Variants in KMT2A observed in about 807,000 individuals in gnomAD.
The protein encoded by KMT2A is lysine methyltransferase 2A.
KMT2A carries 16 observed loss-of-function variants against 345.3 expected under a neutral mutation model. The ratio of observed to expected loss-of-function variants is 0.05; its 90% CI spans 0.03 to 0.07. The LOEUF (loss-of-function observed/expected upper bound fraction) is 0.07. Among genes scored for constraint, KMT2A ranks in the 10% least tolerant of loss-of-function variants. The probability of loss-of-function intolerance (pLI) is 1.00; values close to 1 mark genes in which losing one functional copy is unlikely to be tolerated. For missense variants in KMT2A, 3,272 were observed against 4,841.6 expected (o/e 0.68, Z 9.62); for synonymous variants, 1,599 against 1,778.6 (o/e 0.90, Z 2.54).
At position 118,450,427 on chromosome 11, in the gene KMT2A, T is replaced by C. The variant is rs373127478; in HGVS notation, c.432+13483T>C. ...CTGTTTTCAGCATCTTTGCTGCTTA[T>C]TCTTGTTGACATGGAGTGGGGATGA... On this transcript the variant is annotated intron_variant, in intron 1 of 35. Transcript: ENST00000534358. 5 of 152,356 alleles carry C rather than the reference T, an allele frequency of 3.3e-5. No individual in the cohort carries two copies. In the East Asian group the frequency reaches 9.6e-4, roughly 29 times the overall value. The allele number at this position is 152,356 out of a possible 1,614,324, so 9.4% of individuals were successfully genotyped here. A position where few individuals can be genotyped will look rare whatever the true frequency, so the allele number is the denominator to read the frequency against.
At chr11:118,462,614 A>C (rs183095470) in intron 1 of KMT2A, among the ~76,000 whole-genome samples, 129 of 152,202 alleles carry the variant, frequency 8.5e-4, no homozygotes, top group African/African-American at 3.0e-3. Context: ...GCTGGAGTGC[A>C]GTGGTGCGAT....
At chr11:118,474,620 A>G (rs1950000383) in intron 3 of KMT2A, among the ~76,000 whole-genome samples, 1 of 152,334 alleles carries the variant, frequency 6.6e-6, no homozygotes, top group South Asian at 2.1e-4. Flanking sequence ...GGCTGAATGA[A>G]CTAAGGTTGG....
At chr11:118,454,039 A>G (rs782468725) in intron 1 of KMT2A, among the ~76,000 whole-genome samples, 1 of 152,104 alleles carries the variant, frequency 6.6e-6, no homozygotes, top group Non-Finnish European at 1.5e-5. Flanking sequence ...ATTACATCCA[A>G]AATAAGCCCT....
intron 32 of KMT2A, 76 bp downstream of exon 32, chr11:118,519,868 A>G: frequency 6.4e-7 from 1 of 1,557,690 alleles, no homozygotes; most frequent in East Asian, 2.2e-5. Context: ...CTTCCCACAT[A>G]CCCTTTGAGA....
At chr11:118,515,824 G>A (rs1246028370) in intron 31 of KMT2A, among the ~76,000 whole-genome samples, 1 of 151,844 alleles carries the variant, frequency 6.6e-6, no homozygotes, top group African/African-American at 2.4e-5. Context: ...GAGTAGCTGG[G>A]ACTACAGGTA....
At chr11:118,468,671 G>C in intron 1 of KMT2A, 104 bp from the exon 2 acceptor site, 1 of 818,618 alleles carries the variant, frequency 1.2e-6, no homozygotes, top group Non-Finnish European at 2.1e-6. Context: ...ATATATAAAG[G>C]CAACTTTTCC....
Position 118,494,163 on chromosome 11 carries a change from A to G in KMT2A, c.5179-125A>G. 1.6e-6 allele frequency: 1 copy of G among 636,044 alleles called. No homozygotes were observed. The highest frequency in any genetic ancestry group is 2.8e-6 in the Non-Finnish European group (1 of 350,942). 39.4% of individuals were successfully genotyped at this position (636,044 alleles called of 1,614,324 possible). ...AAAGGTCTCAGCCAAAGAGTATTATACCACATTAAAATAGGGTGTGAGTTT... is the reference window on the plus strand; with the variant it reads ...AAAGGTCTCAGCCAAAGAGTATTATGCCACATTAAAATAGGGTGTGAGTTT... On this transcript the variant is annotated intron_variant, in intron 16 of 35. Transcript: ENST00000534358. This position sits in a 1 kb window ranked among gnomAD's most constrained non-coding sequence, Gnocchi z 5.8.
At chr11:118,487,268 C>T (rs1950246641) in intron 10 of KMT2A, among the ~76,000 whole-genome samples, 1 of 152,096 alleles carries the variant, frequency 6.6e-6, no homozygotes, top group Non-Finnish European at 1.5e-5. Flanking sequence ...TGGGATTAAA[C>T]AGATTTTTTT....
In KMT2A at chr11:118,493,651, A is replaced by G. The variant is rs782461218; in HGVS notation, c.5178+421A>G. Among the ~76,000 whole-genome samples, 7 of 152,130 alleles carry G rather than the reference A, an allele frequency of 4.6e-5. No homozygotes were observed. Among genetic ancestry groups the G allele is most frequent in the Non-Finnish European group, 1.0e-4 (7 of 68,024 alleles). On this transcript the variant is annotated intron_variant, in intron 16 of 35. Coordinates refer to ENST00000534358, the MANE Select transcript of KMT2A (RefSeq NM_001197104.2). This position sits in a 1 kb window ranked among gnomAD's most constrained non-coding sequence, Gnocchi z 5.8. Reference sequence around the variant, plus strand: ...TAATTTTATGATTTTAAGTATGTATAGGAAATGATTATTTATTATCTCATG... The same window carrying G: ...TAATTTTATGATTTTAAGTATGTATGGGAAATGATTATTTATTATCTCATG...
chr11:118,499,781 AAAAT>A, intron 23 of KMT2A, 50 bp from the exon 24 acceptor site: 1 of 1,373,698 alleles, frequency 7.3e-7, no homozygotes, highest in South Asian at 1.2e-5. Context: ...CTCTCTCAAA[AAAAT>A]AAAATGACGC....
chr11:118,477,262 G>A (rs1476914899), intron 4 of KMT2A, among the ~76,000 whole-genome samples: 2 of 152,132 alleles, frequency 1.3e-5, no homozygotes, highest in East Asian at 3.9e-4. Flanking sequence ...CTGCTGTGCA[G>A]GTGAGAAAGA....
At position 118,523,640 on chromosome 11, in the gene KMT2A, T is replaced by C. The variant is rs1951017620; in HGVS notation, c.*1468T>C. 1 of 228,640 alleles carries C rather than the reference T, an allele frequency of 4.4e-6. No homozygotes were observed. The highest frequency in any genetic ancestry group is 8.7e-6 in the Non-Finnish European group (1 of 114,998). The allele number at this position is 228,640 out of a possible 1,614,324, so 14.2% of individuals were successfully genotyped here. ...GAAGCACTTATGACAAGGCTATTTT[T>C]TAAACCGCGGTATTATCCTAATTTA... On this transcript the variant is annotated 3_prime_UTR_variant, in exon 36 of 36. Coordinates refer to ENST00000534358, the MANE Select transcript of KMT2A (RefSeq NM_001197104.2).
intron 31 of KMT2A, among the ~76,000 whole-genome samples, chr11:118,518,144 T>C (rs1555052160): frequency 6.6e-6 from 1 of 152,202 alleles, no homozygotes; most frequent in Non-Finnish European, 1.5e-5. Context: ...TATCTATTAA[T>C]AATACCAAAC....
At position 118,472,502 on chromosome 11, in the gene KMT2A, A is replaced by T. The variant is rs782576050; in HGVS notation, c.1343A>T (p.Asn448Ile). 4.3e-6 allele frequency: 7 copies of T among 1,613,556 alleles called. No individual in the cohort carries two copies. The highest frequency in any genetic ancestry group is 5.9e-6 in the Non-Finnish European group (7 of 1,179,936). ...IKIARLESTP[N>I]SRFSAPSCGS... ...ATTGCCCGATTAGAGTCTACACCGA[A>T]TAGTAGATTCAGTGCCCCGTCCTGT... The change falls in exon 3 of 36, where the codon AAT becomes ATT. Residue 448 changes from asparagine to isoleucine, a missense_variant. Transcript: ENST00000534358.
intron 1 of KMT2A, among the ~76,000 whole-genome samples, chr11:118,447,190 C>T (rs1355489469): frequency 6.6e-6 from 1 of 152,068 alleles, no homozygotes; most frequent in East Asian, 1.9e-4. Flanking sequence ...AAAATTTAAC[C>T]CCGTATACCT....
chr11:118,510,136 G>T lies in KMT2A; in HGVS notation c.11071+18G>T. 6.3e-7 allele frequency: 1 copy of T among 1,578,770 alleles called. No individual in the cohort carries two copies. On this transcript the variant is annotated intron_variant, in intron 30 of 35. Transcript: ENST00000534358. This position sits in a 1 kb window ranked among gnomAD's most constrained non-coding sequence, Gnocchi z 4.1. ...TATTGAAGGTGAGTGGATTAAATCA[G>T]GTTGACCCATCAGCAGAAGCCCTGT...
Position 118,473,470 on chromosome 11 carries a change from A to AC in KMT2A, c.2318dup (p.Ser774ValfsTer12), listed in dbSNP as rs782297546. ...TAGTAGTTCTGAGCTCTCACCTCTC[A>AC]CCCCCCCGTCTTCTGTCTCTTCCTC... On this transcript the variant is annotated frameshift_variant, in exon 3 of 36. Transcript: ENST00000534358. LOFTEE classifies it high-confidence loss of function. This position sits in a 1 kb window ranked among gnomAD's most constrained non-coding sequence, Gnocchi z 5.2. The AC allele has an allele frequency of 5.0e-6, 8 of 1,613,124 alleles. No individual in the cohort carries two copies.
intron 5 of KMT2A, 77 bp downstream of exon 5, chr11:118,478,278 G>C: frequency 9.3e-7 from 1 of 1,070,806 alleles, no homozygotes; most frequent in Non-Finnish European, 1.4e-6. Context: ...TTGTTGCAGA[G>C]ATACATCAGG....
chr11:118,485,343 T>C (rs1177209824), intron 10 of KMT2A, among the ~76,000 whole-genome samples: 3 of 151,710 alleles, frequency 2.0e-5, no homozygotes, highest in African/African-American at 7.3e-5. Context: ...TCTTACCAAT[T>C]AATAAGAAAA....
Sources: gnomAD v4.1 joint callset for allele counts (sites outside exome capture counted in the v4.1 genomes callset) on GRCh38, gnomAD v4.1.1 for gene constraint, Gnocchi (gnomAD v3.1) non-coding constraint, MANE v1.5 for transcripts, NCBI Gene and HGNC (gene_info 2026-07-23, HGNC 2026-07-21) for gene names.